The following FNIP1 variants were observed in gnomAD, a reference collection of about 807,000 sequenced individuals.
The protein encoded by FNIP1 is folliculin interacting protein 1, also known as folliculin-interacting protein 1.
In FNIP1, 40 loss-of-function variants were observed where a neutral mutation model predicts 124.5. The observed-to-expected ratio is 0.32, with a 90% CI of 0.25 to 0.42. The LOEUF is 0.42. FNIP1 is among the 10% of genes least tolerant of loss of function. The probability of loss-of-function intolerance (pLI) is 1.00; values close to 1 mark genes in which losing one functional copy is unlikely to be tolerated. For missense variants in FNIP1, 1,176 were observed against 1,403.7 expected (o/e 0.84, Z 2.59); for synonymous variants, 472 against 470.6 (o/e 1.00, Z -0.04).
Position 131,731,218 on chromosome 5 carries a change from A to G in FNIP1, c.220-180T>C, listed in dbSNP as rs146016845. On this transcript the variant is annotated intron_variant, in intron 2 of 17. Coordinates refer to ENST00000510461, the MANE Select transcript of FNIP1 (RefSeq NM_133372.3). ...ACTATTTTCTATTCTTTGTCTCATA[A>G]CTATAATAAAATTTGTGGGGTTTGT... 3.6e-3 allele frequency among the ~76,000 whole-genome samples: 541 copies of G among 152,326 alleles called. 4 individuals are homozygous for G. The highest frequency in any genetic ancestry group is 0.013 in the African/African-American group (523 of 41,574).
intron 1 of FNIP1, among the ~76,000 whole-genome samples, chr5:131,772,837 A>C (rs116478121): frequency 1.3e-5 from 2 of 152,020 alleles, no homozygotes; most frequent in Non-Finnish European, 2.9e-5. Flanking sequence ...TCTGCTTCTA[A>C]TTTCTTCCCA....
At chr5:131,707,660 A>G (rs930736066) in intron 8 of FNIP1, among the ~76,000 whole-genome samples, 1 of 152,178 alleles carries the variant, frequency 6.6e-6, no homozygotes, top group Non-Finnish European at 1.5e-5. Context: ...AAGATTGGGT[A>G]TGTACAACTA....
intron 2 of FNIP1, among the ~76,000 whole-genome samples, chr5:131,741,366 C>A (rs930898477): frequency 1.3e-5 from 2 of 152,154 alleles, no homozygotes; most frequent in Non-Finnish European, 2.9e-5. Context: ...ACATAAGACA[C>A]TATTTGAGCA....
intron 11 of FNIP1, among the ~76,000 whole-genome samples, chr5:131,682,262 G>A (rs910805553): frequency 6.6e-6 from 1 of 152,080 alleles, no homozygotes; most frequent in Non-Finnish European, 1.5e-5. Context: ...TGGTATTAGT[G>A]GTCCAATGAG....
chr5:131,667,509 T>G (rs777139833), intron 15 of FNIP1, among the ~76,000 whole-genome samples: 1 of 152,234 alleles, frequency 6.6e-6, no homozygotes, highest in Non-Finnish European at 1.5e-5. Context: ...AACAATTGAC[T>G]GTTGCTCACT....
chr5:131,677,628 G>A, intron 13 of FNIP1, 75 bp downstream of exon 13: 1 of 1,336,680 alleles, frequency 7.5e-7, no homozygotes, highest in Non-Finnish European at 1.0e-6. Flanking sequence ...ATTTATTTTT[G>A]GTTTTGCTAT....
intron 1 of FNIP1, among the ~76,000 whole-genome samples, chr5:131,785,090 G>GAT (rs1338135774): frequency 0.056 from 948 of 17,050 alleles, 19 homozygotes; most frequent in Non-Finnish European, 0.088. Flanking sequence ...ATATATATAT[G>GAT]ATATATATGA....
Position 131,730,960 on chromosome 5 carries a change from A to C in FNIP1, c.298T>G (p.Leu100Val). Residue 100 changes from leucine to valine, a missense_variant, in exon 3 of 18, where the codon TTA becomes GTA. Leu to Val is a conservative substitution (Grantham distance 32). Transcript: ENST00000510461. ...GAAGATGAAGTCACAGAACTATCTA[A>C]AGAGGAAGAACTGTCTCCTCCAGGT... is the stretch of plus-strand genomic sequence containing the variant. ...LKPGGDSSSS[L>V]DSSVTSSSDI... 6.2e-7 allele frequency: 1 copy of C among 1,613,070 alleles called. No individual in the cohort carries two copies. Among genetic ancestry groups the C allele is most frequent in the Non-Finnish European group, 8.5e-7 (1 of 1,179,324 alleles).
chr5:131,692,778 T>A (rs1768524855), intron 11 of FNIP1, among the ~76,000 whole-genome samples: 1 of 151,970 alleles, frequency 6.6e-6, no homozygotes, highest in Non-Finnish European at 1.5e-5. Context: ...GAGGCCAAGG[T>A]GGGCAGATCG....
intron 4 of FNIP1, 32 bp from the exon 5 acceptor site, chr5:131,719,092 A>G: frequency 6.3e-7 from 1 of 1,581,746 alleles, no homozygotes; most frequent in Non-Finnish European, 8.7e-7. Context: ...GAGAGACCAA[A>G]ACTAAAATAT....
intron 15 of FNIP1, among the ~76,000 whole-genome samples, chr5:131,654,281 G>A (rs183653450): frequency 6.6e-6 from 1 of 152,252 alleles, no homozygotes; most frequent in African/African-American, 2.4e-5. Context: ...GGAAAGGTAA[G>A]GATTTTTTTT....
At chr5:131,782,982 G>C (rs1324677178) in intron 1 of FNIP1, among the ~76,000 whole-genome samples, 1 of 152,202 alleles carries the variant, frequency 6.6e-6, no homozygotes, top group East Asian at 1.9e-4. Context: ...AGTATTTCTA[G>C]ATTAAAGTTA....
intron 1 of FNIP1, among the ~76,000 whole-genome samples, chr5:131,759,531 C>T (rs1299756546): frequency 1.3e-5 from 2 of 152,120 alleles, no homozygotes; most frequent in Non-Finnish European, 2.9e-5. Context: ...AGAGACAAAT[C>T]AAAACCACAA....
intron 15 of FNIP1, among the ~76,000 whole-genome samples, chr5:131,668,247 C>G (rs1767657221): frequency 6.6e-6 from 1 of 152,132 alleles, no homozygotes; most frequent in South Asian, 2.1e-4. Flanking sequence ...AAATTAGAAA[C>G]CAACAGCAAA....
In FNIP1 at chr5:131,741,511, T is replaced by A. The variant is rs567070892; in HGVS notation, c.219+3053A>T. ...CATTAAATATACTCTACATACACAA[T>A]GTTTGCTTTGCATGGAAATACAAAA... On this transcript the variant is annotated intron_variant, in intron 2 of 17. Transcript: ENST00000510461. Among the ~76,000 whole-genome samples the A allele has an allele frequency of 7.9e-5, 12 of 152,316 alleles. No individual in the cohort carries two copies. In the South Asian group the frequency reaches 1.4e-3, roughly 18 times the overall value.
intron 6 of FNIP1, among the ~76,000 whole-genome samples, chr5:131,714,247 C>T (rs1448511503): frequency 2.0e-5 from 3 of 152,122 alleles, no homozygotes; most frequent in South Asian, 2.1e-4. Flanking sequence ...AACTGTATAG[C>T]GGGCTGAGAC....
chr5:131,769,392 T>A (rs1033548179), intron 1 of FNIP1, among the ~76,000 whole-genome samples: 2 of 152,244 alleles, frequency 1.3e-5, no homozygotes, highest in African/African-American at 4.8e-5. Flanking sequence ...TAACTAGATT[T>A]GGATTATTTT....
intron 10 of FNIP1, among the ~76,000 whole-genome samples, chr5:131,702,879 G>A (rs1414390477): frequency 1.3e-5 from 2 of 152,028 alleles, no homozygotes; most frequent in African/African-American, 2.4e-5. Flanking sequence ...GCCTCTGCTG[G>A]TTCCTTCTCA....
chr5:131,707,047 A>G (rs187073202), intron 8 of FNIP1, among the ~76,000 whole-genome samples: 40 of 152,290 alleles, frequency 2.6e-4, no homozygotes, highest in Non-Finnish European at 5.0e-4. Context: ...AAGAATCATG[A>G]CTATACCTAC....
Sources: allele counts gnomAD v4.1 joint callset (sites outside exome capture counted in the v4.1 genomes callset), GRCh38; gene constraint gnomAD v4.1.1; transcripts MANE v1.5; gene names NCBI Gene and HGNC (gene_info 2026-07-23, HGNC 2026-07-21).